Variants in AUTS2 observed in about 807,000 individuals in gnomAD.
AUTS2 encodes autism susceptibility gene 2 protein.
In AUTS2, 17 loss-of-function variants were observed where a neutral mutation model predicts 112.4. The observed-to-expected ratio is 0.15, with a 90% CI of 0.10 to 0.23. The LOEUF (loss-of-function observed/expected upper bound fraction) is 0.23, where lower values mean the gene tolerates loss of function less well. Ranked by LOEUF, AUTS2 falls within the 10% of genes least tolerant of loss-of-function variation. The probability of loss-of-function intolerance (pLI) is 1.00; values close to 1 mark genes in which losing one functional copy is unlikely to be tolerated. For missense variants in AUTS2, 1,510 were observed against 1,701.6 expected (o/e 0.89, Z 1.98); for synonymous variants, 751 against 702.7 (o/e 1.07, Z -1.09).
At chr7:70,635,625 G>T in intron 5 of AUTS2, among the ~76,000 whole-genome samples, 1 of 152,218 alleles carries the variant, frequency 6.6e-6, no homozygotes, top group Non-Finnish European at 1.5e-5. Context: ...CCTGGCAGTG[G>T]GAAGGAGAGA....
At chr7:70,458,485 ACT>A (rs1319027046) in intron 5 of AUTS2, among the ~76,000 whole-genome samples, 3 of 151,760 alleles carry the variant, frequency 2.0e-5, no homozygotes, top group African/African-American at 7.3e-5. Context: ...TCTAAAGCTG[ACT>A]CTCTTGTCTA....
At chr7:70,615,386 G>A (rs564877833) in intron 5 of AUTS2, among the ~76,000 whole-genome samples, 4 of 152,130 alleles carry the variant, frequency 2.6e-5, no homozygotes, top group South Asian at 4.1e-4. Flanking sequence ...AACTTCTGTC[G>A]AACTAAGACT....
At chr7:70,393,230 T>A (rs1057147755) in intron 4 of AUTS2, among the ~76,000 whole-genome samples, 6 of 152,132 alleles carry the variant, frequency 3.9e-5, no homozygotes, top group African/African-American at 1.2e-4. Flanking sequence ...CCTTGTTCCT[T>A]CTCAGTTTGT....
chr7:70,341,625 A>C (rs1039776879), intron 4 of AUTS2, among the ~76,000 whole-genome samples: 2 of 152,264 alleles, frequency 1.3e-5, no homozygotes, highest in African/African-American at 2.4e-5. Context: ...AGATTTTTCT[A>C]ATTAGTTCTT....
intron 2 of AUTS2, among the ~76,000 whole-genome samples, chr7:70,015,823 T>C (rs888012416): frequency 1.3e-5 from 2 of 151,274 alleles, no homozygotes; most frequent in African/African-American, 4.9e-5. Context: ...TTTTTTAGCA[T>C]CCAGTGGCCA....
At chr7:70,375,559 A>C (rs1487477608) in intron 4 of AUTS2, among the ~76,000 whole-genome samples, 1 of 152,368 alleles carries the variant, frequency 6.6e-6, no homozygotes. Flanking sequence ...AAAGCAAAGT[A>C]AATATGTAAT....
chr7:70,319,162 A>G (rs1385404032), intron 4 of AUTS2, among the ~76,000 whole-genome samples: 21 of 151,988 alleles, frequency 1.4e-4, no homozygotes, highest in Admixed American at 1.4e-3. Flanking sequence ...AATAAAGTGC[A>G]AAAAAAATGA....
At chr7:69,948,716 A>G (rs960869342) in intron 2 of AUTS2, among the ~76,000 whole-genome samples, 2 of 152,162 alleles carry the variant, frequency 1.3e-5, no homozygotes, top group African/African-American at 4.8e-5. Flanking sequence ...ACTGCTTTAT[A>G]TCACTGTGGT....
At chr7:70,218,659 T>A (rs1811300226) in intron 4 of AUTS2, among the ~76,000 whole-genome samples, 1 of 152,218 alleles carries the variant, frequency 6.6e-6, no homozygotes, top group African/African-American at 2.4e-5. Flanking sequence ...AATTAAATCA[T>A]TACTTAATTC....
chr7:70,041,663 A>G (rs774016530), intron 2 of AUTS2, among the ~76,000 whole-genome samples: 1 of 152,180 alleles, frequency 6.6e-6, no homozygotes, highest in Non-Finnish European at 1.5e-5. Context: ...CCTTTTTTAA[A>G]ACAATGAAGT....
At chr7:70,173,399 C>T (rs768581443) in intron 4 of AUTS2, among the ~76,000 whole-genome samples, 11 of 151,524 alleles carry the variant, frequency 7.3e-5, no homozygotes, top group Non-Finnish European at 1.5e-4. Flanking sequence ...AAAATGTTGA[C>T]GGAAGGCATT....
At position 70,781,478 on chromosome 7, in the gene AUTS2, T is replaced by A. The variant is rs1244025090; in HGVS notation, c.2005-137T>A. The A allele has an allele frequency of 2.3e-5, 24 of 1,062,336 alleles. No homozygotes were observed. In the East Asian group the frequency reaches 6.3e-4, roughly 28 times the overall value. The allele number at this position is 1,062,336 out of a possible 1,614,324, so 65.8% of individuals were successfully genotyped here. A position where few individuals can be genotyped will look rare whatever the true frequency, so the allele number is the denominator to read the frequency against. On this transcript the variant is annotated intron_variant, in intron 14 of 18. Coordinates refer to ENST00000342771, the MANE Select transcript of AUTS2 (RefSeq NM_015570.4). ...ACATTTGAGGGTGAAATGGTTTTTGTGTAGCTGCTTTCTCTCACAGTGTTT... is the reference window on the plus strand; with the variant it reads ...ACATTTGAGGGTGAAATGGTTTTTGAGTAGCTGCTTTCTCTCACAGTGTTT...
chr7:70,397,659 A>G (rs1451649604), intron 4 of AUTS2, among the ~76,000 whole-genome samples: 2 of 96,420 alleles, frequency 2.1e-5, no homozygotes, highest in Admixed American at 9.9e-5. Context: ...ACATGTATGT[A>G]CACACACACA....
chr7:69,985,244 A>AAG (rs1563015838), intron 2 of AUTS2, among the ~76,000 whole-genome samples: 24 of 151,362 alleles, frequency 1.6e-4, no homozygotes, highest in African/African-American at 4.1e-4. Flanking sequence ...AAAAAAAAAA[A>AAG]AAAGAAAGGA....
chr7:69,713,189 G>T (rs1220905958), intron 1 of AUTS2, among the ~76,000 whole-genome samples: 1 of 152,092 alleles, frequency 6.6e-6, no homozygotes, highest in African/African-American at 2.4e-5. Flanking sequence ...TTAAATCAGG[G>T]TATTTAGCAT....
chr7:70,514,659 A>G (rs1799341814), intron 5 of AUTS2, among the ~76,000 whole-genome samples: 1 of 152,160 alleles, frequency 6.6e-6, no homozygotes, highest in Admixed American at 6.5e-5. Flanking sequence ...TTTGGAGGGG[A>G]CAGAACATCC....
intron 1 of AUTS2, among the ~76,000 whole-genome samples, chr7:69,857,457 T>G (rs1346011928): frequency 6.6e-6 from 1 of 152,198 alleles, no homozygotes; most frequent in Non-Finnish European, 1.5e-5. Flanking sequence ...TTTGAAACAA[T>G]GCAATGACAA....
chr7:69,875,859 A>C (rs1258677335), intron 1 of AUTS2, among the ~76,000 whole-genome samples: 1 of 152,124 alleles, frequency 6.6e-6, no homozygotes, highest in Non-Finnish European at 1.5e-5. Flanking sequence ...TGTTGTTATT[A>C]TTCTTAATAT....
intron 2 of AUTS2, among the ~76,000 whole-genome samples, chr7:69,908,621 A>G (rs1022139938): frequency 6.6e-6 from 1 of 152,228 alleles, no homozygotes; most frequent in African/African-American, 2.4e-5. Flanking sequence ...ACAGCTCTGC[A>G]GAAGCTGCCA....
Sources: gnomAD v4.1 joint callset for allele counts (sites outside exome capture counted in the v4.1 genomes callset) on GRCh38, gnomAD v4.1.1 for gene constraint, MANE v1.5 for transcripts, NCBI Gene and HGNC (gene_info 2026-07-23, HGNC 2026-07-21) for gene names.